NDUFAF2: variants seen among roughly 807,000 people sequenced by gnomAD.
The protein encoded by NDUFAF2 is NADH:ubiquinone oxidoreductase complex assembly factor 2, also known as NADH dehydrogenase [ubiquinone] 1 alpha subcomplex assembly factor 2.
A neutral mutation model predicts 22.8 loss-of-function variants in NDUFAF2; 13 were observed. The observed-to-expected ratio is 0.57, with a 90% CI of 0.37 to 0.91. NDUFAF2 has a LOEUF of 0.91. NDUFAF2 is among the 40% of genes least tolerant of loss of function. The probability of loss-of-function intolerance (pLI) is 0.01; values close to 1 mark genes in which losing one functional copy is unlikely to be tolerated. For missense variants in NDUFAF2, 162 were observed against 195.2 expected (o/e 0.83, Z 1.01); for synonymous variants, 53 against 64.2 (o/e 0.83, Z 0.84).
intron 3 of NDUFAF2, chr5:61,116,512 T>TA (rs2111792417): frequency 6.6e-6 from 1 of 152,188 alleles, no homozygotes; most frequent in East Asian, 1.9e-4. Flanking sequence ...TCCTGTAACA[T>TA]AGGGCAGAAA....
At chr5:61,008,775 G>A (rs1751406234) in intron 1 of NDUFAF2, among the ~76,000 whole-genome samples, 1 of 151,966 alleles carries the variant, frequency 6.6e-6, no homozygotes. Context: ...TCTTATGTTT[G>A]TTTCTTTCTA....
intron 3 of NDUFAF2, among the ~76,000 whole-genome samples, chr5:61,108,995 G>A (rs531966560): frequency 3.3e-4 from 50 of 152,174 alleles, no homozygotes; most frequent in African/African-American, 1.2e-3. Flanking sequence ...TTCTGTGAAT[G>A]TCATTGGTAT....
chr5:60,947,908 TTTA>T (rs1750484978), intron 1 of NDUFAF2, among the ~76,000 whole-genome samples: 1 of 152,194 alleles, frequency 6.6e-6, no homozygotes, highest in Non-Finnish European at 1.5e-5. Flanking sequence ...ACATGAATAT[TTTA>T]TTTTTACATA....
At chr5:61,013,679 C>T (rs1028045733) in intron 1 of NDUFAF2, among the ~76,000 whole-genome samples, 6 of 147,286 alleles carry the variant, frequency 4.1e-5, no homozygotes, top group African/African-American at 1.5e-4. Context: ...ATCTTTTGGT[C>T]CTAATGTTCC....
chr5:61,101,181 T>TA (rs1312214197), intron 3 of NDUFAF2, among the ~76,000 whole-genome samples: 31 of 152,200 alleles, frequency 2.0e-4, no homozygotes, highest in Admixed American at 9.2e-4. Context: ...AACAAAAAAA[T>TA]AGCTTATTTA....
intron 1 of NDUFAF2, among the ~76,000 whole-genome samples, chr5:61,047,140 C>A (rs1751963591): frequency 6.6e-6 from 1 of 151,730 alleles, no homozygotes; most frequent in African/African-American, 2.4e-5. Flanking sequence ...TGGTCAAAAC[C>A]TGACTTATGA....
At chr5:60,997,490 A>G (rs1751242962) in intron 1 of NDUFAF2, among the ~76,000 whole-genome samples, 1 of 152,234 alleles carries the variant, frequency 6.6e-6, no homozygotes, top group Non-Finnish European at 1.5e-5. Context: ...GGTATGATAA[A>G]GATGCTGCTA....
intron 1 of NDUFAF2, among the ~76,000 whole-genome samples, chr5:60,979,550 T>C (rs1750948492): frequency 1.3e-5 from 2 of 152,104 alleles, no homozygotes; most frequent in South Asian, 4.1e-4. Flanking sequence ...GTTCGGGCAG[T>C]GGTGGCCATA....
In NDUFAF2 at chr5:61,098,989, T is replaced by C; in HGVS notation, c.218-3T>C. On this transcript the variant is annotated splice_region_variant and splice_polypyrimidine_tract_variant and intron_variant, in intron 2 of 3. Coordinates refer to ENST00000296597, the MANE Select transcript of NDUFAF2 (RefSeq NM_174889.5). Reference sequence around the variant, plus strand: ...GACATTTAAATATTATTTTTCTTTCTAGCTTGGATTAGAAGAACAAGAAAG... The same window carrying C: ...GACATTTAAATATTATTTTTCTTTCCAGCTTGGATTAGAAGAACAAGAAAG... The C allele has an allele frequency of 1.3e-6, 2 of 1,596,312 alleles. No individual in the cohort carries two copies. The highest frequency in any genetic ancestry group is 1.7e-6 in the Non-Finnish European group (2 of 1,167,880).
chr5:61,024,985 C>T (rs950011708), intron 1 of NDUFAF2, among the ~76,000 whole-genome samples: 1 of 151,998 alleles, frequency 6.6e-6, no homozygotes, highest in African/African-American at 2.4e-5. Context: ...TCTCTCCTGG[C>T]TAACTCCTAT....
intron 1 of NDUFAF2, among the ~76,000 whole-genome samples, chr5:60,958,872 C>T (rs1035933010): frequency 2.0e-5 from 3 of 151,988 alleles, no homozygotes; most frequent in Non-Finnish European, 2.9e-5. Flanking sequence ...AATGTCACGA[C>T]GCCTCTAGTG....
rs545714961 is a variant in NDUFAF2, at chr5:61,056,681, A to T, written c.128-16444A>T. ...AGCAAGAGGATCACCTGAGGTTGGC[A>T]GTTCAAAACCAGCCTGGCCAACATG... On this transcript the variant is annotated intron_variant, in intron 1 of 3. Coordinates refer to ENST00000296597, the MANE Select transcript of NDUFAF2 (RefSeq NM_174889.5). Among the ~76,000 whole-genome samples, 7 of 151,858 alleles carry T rather than the reference A, an allele frequency of 4.6e-5. No individual in the cohort carries two copies. The East Asian group carries it at 1.4e-3, about 29-fold the overall frequency.
At chr5:61,046,071 T>C (rs1447735162) in intron 1 of NDUFAF2, among the ~76,000 whole-genome samples, 2 of 152,212 alleles carry the variant, frequency 1.3e-5, no homozygotes, top group African/African-American at 2.4e-5. Context: ...ACCGAGATGA[T>C]TATATGGTTT....
At chr5:61,019,806 G>A (rs1421697279) in intron 1 of NDUFAF2, among the ~76,000 whole-genome samples, 1 of 151,802 alleles carries the variant, frequency 6.6e-6, no homozygotes, top group African/African-American at 2.4e-5. Context: ...TCTGATTTTT[G>A]GTATCAGATT....
intron 2 of NDUFAF2, among the ~76,000 whole-genome samples, chr5:61,088,227 G>A (rs1752527444): frequency 6.6e-6 from 1 of 152,050 alleles, no homozygotes; most frequent in East Asian, 1.9e-4. Context: ...CAGCCAGGGG[G>A]AAAAATACTC....
intron 2 of NDUFAF2, among the ~76,000 whole-genome samples, chr5:61,076,652 C>T (rs1050998125): frequency 2.0e-5 from 3 of 152,196 alleles, no homozygotes; most frequent in African/African-American, 7.2e-5. Flanking sequence ...CTGGCTTTTA[C>T]TGTGAGACTG....
intron 3 of NDUFAF2, among the ~76,000 whole-genome samples, chr5:61,109,535 A>T (rs1321042434): frequency 6.6e-6 from 1 of 152,190 alleles, no homozygotes; most frequent in Admixed American, 6.5e-5. Context: ...TTTAGATCTT[A>T]GAAGAAAGGC....
At chr5:61,048,429 C>T (rs1004060371) in intron 1 of NDUFAF2, among the ~76,000 whole-genome samples, 1 of 152,010 alleles carries the variant, frequency 6.6e-6, no homozygotes, top group African/African-American at 2.4e-5. Context: ...AGGTAGGATG[C>T]CTGGAACTAT....
intron 1 of NDUFAF2, among the ~76,000 whole-genome samples, chr5:60,950,696 T>C (rs191639111): frequency 6.6e-6 from 1 of 151,836 alleles, no homozygotes; most frequent in Admixed American, 6.6e-5. Context: ...TTTATACTGA[T>C]TGACTTTTAA....
Sources: gnomAD v4.1 joint callset for allele counts (sites outside exome capture counted in the v4.1 genomes callset) on GRCh38, gnomAD v4.1.1 for gene constraint, MANE v1.5 for transcripts, NCBI Gene and HGNC (gene_info 2026-07-23, HGNC 2026-07-21) for gene names.